The following MARCHF4 variants were observed in gnomAD, a reference collection of about 807,000 sequenced individuals.
MARCHF4 encodes membrane associated ring-CH-type finger 4.
Under a neutral mutation model 43.9 loss-of-function variants are expected in MARCHF4, and 14 were observed. The observed-to-expected ratio is 0.32, with a 90% CI of 0.21 to 0.50. MARCHF4 has a LOEUF of 0.50. MARCHF4 is among the 20% of genes least tolerant of loss of function. The probability of loss-of-function intolerance (pLI) is 0.98; values close to 1 mark genes in which losing one functional copy is unlikely to be tolerated. For missense variants in MARCHF4, 468 were observed against 536.7 expected, an observed-to-expected ratio of 0.87 and a Z score of 1.27; for synonymous variants, 226 against 213.3, an observed-to-expected ratio of 1.06 and a Z score of -0.52.
intron 3 of MARCHF4, chr2:216,265,733 C>A (rs1356423719): frequency 6.6e-6 from 1 of 152,226 alleles, no homozygotes; most frequent in Admixed American, 6.5e-5. Flanking sequence ...CTCAAGCGAT[C>A]CTCTTGCCTC....
In MARCHF4 at chr2:216,259,241, T is replaced by G. The variant is rs1574455788; in HGVS notation, c.*71A>C. ...CTGCTCCCTCTGTTGGCTCTGGGGG[T>G]GCCACTGCACCTCCCCACCCTGCTC... On this transcript the variant is annotated 3_prime_UTR_variant, in exon 4 of 4. Coordinates refer to ENST00000273067, the MANE Select transcript of MARCHF4 (RefSeq NM_020814.3). 1.3e-6 allele frequency: 2 copies of G among 1,486,716 alleles called. No individual in the cohort carries two copies. The highest frequency in any genetic ancestry group is 1.8e-6 in the Non-Finnish European group (2 of 1,120,704). 92.1% of individuals were successfully genotyped at this position (1,486,716 alleles called of 1,614,324 possible). A position where few individuals can be genotyped will look rare whatever the true frequency, so the allele number is the denominator to read the frequency against.
intron 1 of MARCHF4, among the ~76,000 whole-genome samples, chr2:216,358,538 C>T (rs1025558494): frequency 2.6e-4 from 39 of 152,142 alleles, no homozygotes; most frequent in African/African-American, 9.2e-4. Context: ...GTAGAAGCAG[C>T]GTGGATATTC....
At position 216,277,872 on chromosome 2, in the gene MARCHF4, G is replaced by C. The variant is rs1329772555; in HGVS notation, c.673-8C>G. The C allele has an allele frequency of 6.3e-7, 1 of 1,599,994 alleles. No homozygotes were observed. Among genetic ancestry groups the C allele is most frequent in the South Asian group, 1.1e-5 (1 of 90,320 alleles). On this transcript the variant is annotated splice_region_variant and splice_polypyrimidine_tract_variant and intron_variant, in intron 2 of 3. Transcript: ENST00000273067. ...CAGAGAGATGGCCTGCCACTGCAGG[G>C]GAGAGAGTGGCCAGTTAGCAGTTGC...
At chr2:216,323,657 A>T (rs2105965648) in intron 1 of MARCHF4, among the ~76,000 whole-genome samples, 1 of 152,310 alleles carries the variant, frequency 6.6e-6, no homozygotes, top group East Asian at 1.9e-4. Context: ...GGATTAAGAA[A>T]CTCACTCAAA....
intron 1 of MARCHF4, among the ~76,000 whole-genome samples, chr2:216,343,937 G>C (rs1272976631): frequency 6.6e-6 from 1 of 152,164 alleles, no homozygotes; most frequent in Non-Finnish European, 1.5e-5. Flanking sequence ...GGGAATGAAT[G>C]CTGGAGATCT....
chr2:216,262,163 G>T (rs1441171407), intron 3 of MARCHF4, among the ~76,000 whole-genome samples: 1 of 152,166 alleles, frequency 6.6e-6, no homozygotes, highest in African/African-American at 2.4e-5. Flanking sequence ...GAGAGGAGAA[G>T]GTGGGAAATA....
At chr2:216,322,327 T>A (rs1406038036) in intron 1 of MARCHF4, among the ~76,000 whole-genome samples, 1 of 152,204 alleles carries the variant, frequency 6.6e-6, no homozygotes, top group African/African-American at 2.4e-5. Context: ...CCTGGAATAA[T>A]CAGAGAATTT....
chr2:216,344,441 T>A (rs931556575), intron 1 of MARCHF4, among the ~76,000 whole-genome samples: 5 of 152,110 alleles, frequency 3.3e-5, no homozygotes, highest in Admixed American at 2.6e-4. Context: ...TGGCTAAGAC[T>A]TCACCAGAAG....
chr2:216,260,404 A>T (rs758710464), intron 3 of MARCHF4, among the ~76,000 whole-genome samples: 17 of 152,248 alleles, frequency 1.1e-4, no homozygotes, highest in Non-Finnish European at 1.6e-4. Flanking sequence ...ACTGGGGTTA[A>T]ATATCCACTG....
rs74927906 is a variant in MARCHF4 at position 216,298,634 on chromosome 2, C to T, written c.517-14905G>A. Among the ~76,000 whole-genome samples the T allele has an allele frequency of 8.1e-4, 123 of 152,260 alleles. 1 individual carries two copies. The East Asian group carries it at 0.02, about 25-fold the overall frequency. Reference sequence around the variant, plus strand: ...AGCCATGGATGTATGTGCCCAGAGGCTGGGAAGGAAAAATTATTCCCATCT... The same window carrying T: ...AGCCATGGATGTATGTGCCCAGAGGTTGGGAAGGAAAAATTATTCCCATCT... On this transcript the variant is annotated intron_variant, in intron 1 of 3. Transcript: ENST00000273067.
chr2:216,287,000 A>C (rs2105942674), intron 1 of MARCHF4, among the ~76,000 whole-genome samples: 1 of 152,334 alleles, frequency 6.6e-6, no homozygotes, highest in South Asian at 2.1e-4. Flanking sequence ...GACTCACTCA[A>C]GGTCACACGG....
At chr2:216,294,855 T>TATC (rs1275007378) in intron 1 of MARCHF4, among the ~76,000 whole-genome samples, 1 of 152,228 alleles carries the variant, frequency 6.6e-6, no homozygotes, top group Non-Finnish European at 1.5e-5. Flanking sequence ...ACTGAGCACT[T>TATC]ATCAGGTGCC....
At chr2:216,282,744 C>T (rs780529479) in intron 2 of MARCHF4, among the ~76,000 whole-genome samples, 4 of 152,184 alleles carry the variant, frequency 2.6e-5, no homozygotes, top group African/African-American at 9.7e-5. Context: ...TGGGAGCAGG[C>T]AGAGGATCCC....
At chr2:216,305,298 A>G (rs567413606) in intron 1 of MARCHF4, among the ~76,000 whole-genome samples, 47 of 152,306 alleles carry the variant, frequency 3.1e-4, no homozygotes, top group African/African-American at 1.1e-3. Flanking sequence ...ATAGGTGGGT[A>G]TAAGTTCAAG....
chr2:216,353,486 G>A (rs1257934605), intron 1 of MARCHF4, among the ~76,000 whole-genome samples: 1 of 152,200 alleles, frequency 6.6e-6, no homozygotes, highest in South Asian at 2.1e-4. Context: ...GGAAATATCA[G>A]CTTAGGGATT....
intron 1 of MARCHF4, among the ~76,000 whole-genome samples, chr2:216,323,948 A>G (rs1053671793): frequency 4.6e-5 from 7 of 152,238 alleles, no homozygotes; most frequent in African/African-American, 1.7e-4. Context: ...GCAGAAGGCA[A>G]GAAATAACTA....
chr2:216,366,772 C>T (rs1039637528), intron 1 of MARCHF4, among the ~76,000 whole-genome samples: 8 of 152,142 alleles, frequency 5.3e-5, no homozygotes, highest in African/African-American at 1.7e-4. Flanking sequence ...AATTTCATCA[C>T]AGAGCTTAAA....
At chr2:216,275,647 A>G (rs1691007004) in intron 3 of MARCHF4, among the ~76,000 whole-genome samples, 1 of 152,044 alleles carries the variant, frequency 6.6e-6, no homozygotes, top group African/African-American at 2.4e-5. Context: ...TCTATATTCA[A>G]TTCGGTCTTC....
chr2:216,341,768 T>G (rs1692240677), intron 1 of MARCHF4, among the ~76,000 whole-genome samples: 1 of 152,050 alleles, frequency 6.6e-6, no homozygotes, highest in African/African-American at 2.4e-5. Flanking sequence ...TCCCAGGGTC[T>G]CCCCTACTGG....
Sources: allele counts gnomAD v4.1 joint callset (sites outside exome capture counted in the v4.1 genomes callset), GRCh38; gene constraint gnomAD v4.1.1; transcripts MANE v1.5; gene names NCBI Gene and HGNC (gene_info 2026-07-23, HGNC 2026-07-21).